The following ADIPOQ variants were observed in gnomAD, a reference collection of about 807,000 sequenced individuals.
ADIPOQ encodes the protein adiponectin, C1Q and collagen domain containing.
A neutral mutation model predicts 16.1 loss-of-function variants in ADIPOQ; 19 were observed. The ratio of observed to expected loss-of-function variants is 1.18; its 90% CI spans 0.82 to 1.73. ADIPOQ has a LOEUF of 1.73. ADIPOQ is among the 40% of genes most tolerant of loss of function. The pLI, the probability that ADIPOQ is intolerant of heterozygous loss-of-function variation, is 0.00. For missense variants in ADIPOQ, 323 were observed against 308.3 expected, an observed-to-expected ratio of 1.05 and a Z score of -0.36; for synonymous variants, 124 against 125.5, an observed-to-expected ratio of 0.99 and a Z score of 0.08.
intron 1 of ADIPOQ, among the ~76,000 whole-genome samples, chr3:186,848,709 G>A (rs16861210): frequency 0.1 from 15,801 of 152,188 alleles, 1,050 homozygotes; most frequent in African/African-American, 0.17. Flanking sequence ...CTTGGAGAGC[G>A]CAAGATGCTA....
chr3:186,844,137 A>C (rs1157449775), intron 1 of ADIPOQ, among the ~76,000 whole-genome samples: 1 of 152,170 alleles, frequency 6.6e-6, no homozygotes, highest in Non-Finnish European at 1.5e-5. Context: ...AGTGGTACAC[A>C]GGGAGCCCGG....
At chr3:186,847,860 A>AT (rs1389239520) in intron 1 of ADIPOQ, among the ~76,000 whole-genome samples, 1 of 152,054 alleles carries the variant, frequency 6.6e-6, no homozygotes, top group Non-Finnish European at 1.5e-5. Flanking sequence ...CTTAGTAATA[A>AT]TTTTTTTCTG....
intron 1 of ADIPOQ, 24 bp from the exon 2 acceptor site, chr3:186,853,027 T>C (rs17366653): frequency 0.01 from 16,518 of 1,613,402 alleles, 120 homozygotes; most frequent in Middle Eastern, 0.015. Flanking sequence ...TCTCCATGGC[T>C]GACAGTGCAC....
intron 2 of ADIPOQ, chr3:186,853,859 G>A (rs976368759): frequency 1.0e-5 from 3 of 290,216 alleles, no homozygotes; most frequent in Non-Finnish European, 1.9e-5. Context: ...GCAGAATAGA[G>A]GAGGAGAGAC....
At chr3:186,844,356 A>G (rs1397595066) in intron 1 of ADIPOQ, among the ~76,000 whole-genome samples, 1 of 152,112 alleles carries the variant, frequency 6.6e-6, no homozygotes, top group African/African-American at 2.4e-5. Flanking sequence ...CATATTGGCC[A>G]GGATGGTCTC....
In ADIPOQ at chr3:186,851,522, G is replaced by T. The variant is rs954241763; in HGVS notation, c.-8-1529G>T. ...TATCAAAGAATGATTTTGAGACAGG[G>T]AGGCTTTTGACTACCTGTGCCACTT... is the stretch of plus-strand genomic sequence containing the variant. On this transcript the variant is annotated intron_variant, in intron 1 of 2. Transcript: ENST00000320741. 9.2e-5 allele frequency among the ~76,000 whole-genome samples: 14 copies of T among 152,246 alleles called. No individual in the cohort carries two copies. The East Asian group carries it at 2.7e-3, about 29-fold the overall frequency.
rs150306620 is a variant in ADIPOQ, at chr3:186,851,130, C to A, written c.-8-1921C>A. Among the ~76,000 whole-genome samples the A allele has an allele frequency of 9.0e-3, 1,372 of 152,176 alleles. 16 individuals are homozygous for A. The highest frequency in any genetic ancestry group is 0.031 in the African/African-American group (1,273 of 41,540). On this transcript the variant is annotated intron_variant, in intron 1 of 2. Coordinates refer to ENST00000320741, the MANE Select transcript of ADIPOQ (RefSeq NM_004797.4). ...GAGGAGTAGGTTTGTCTTCAACAAA[C>A]CTTCAGTTGTCCTGAAGACAAACCT...
intron 1 of ADIPOQ, among the ~76,000 whole-genome samples, chr3:186,847,546 G>A (rs1711610319): frequency 6.6e-6 from 1 of 152,126 alleles, no homozygotes; most frequent in Admixed American, 6.6e-5. Context: ...TGCTCTAACT[G>A]TACAGCTGAT....
rs201844166 is a variant in ADIPOQ, at chr3:186,857,700, C to T, written c.*2996C>T. ...TTTGAAGTACAATTGTGGATTTGTC[C>T]AATTCTCTTTAGTTCTGTCAGCTTT... On this transcript the variant is annotated 3_prime_UTR_variant, in exon 3 of 3. Transcript: ENST00000320741. The T allele has an allele frequency of 2.0e-5, 3 of 152,036 alleles. No individual in the cohort carries two copies. The highest frequency in any genetic ancestry group is 4.4e-5 in the Non-Finnish European group (3 of 68,012). The allele number at this position is 152,036 out of a possible 1,614,324, so 9.4% of individuals were successfully genotyped here.
At chr3:186,850,301 A>G (rs1482923960) in intron 1 of ADIPOQ, among the ~76,000 whole-genome samples, 1 of 150,788 alleles carries the variant, frequency 6.6e-6, no homozygotes, top group East Asian at 1.9e-4. Context: ...AGCAAACTAG[A>G]GCAGTGAGGT....
At chr3:186,843,995 C>A (rs185517567) in intron 1 of ADIPOQ, among the ~76,000 whole-genome samples, 1 of 152,138 alleles carries the variant, frequency 6.6e-6, no homozygotes, top group Non-Finnish European at 1.5e-5. Context: ...GGGGTGGCAC[C>A]AACTCACTCC....
At position 186,856,189 on chromosome 3, in the gene ADIPOQ, G is replaced by A. The variant is rs1711995201; in HGVS notation, c.*1485G>A. The A allele has an allele frequency of 1.3e-5, 2 of 152,132 alleles. No individual in the cohort carries two copies. The highest frequency in any genetic ancestry group is 4.8e-5 in the African/African-American group (2 of 41,432). 9.4% of individuals were successfully genotyped at this position (152,132 alleles called of 1,614,324 possible). A position where few individuals can be genotyped will look rare whatever the true frequency, so the allele number is the denominator to read the frequency against. The stretch of plus-strand genomic sequence containing the variant: ...AGTACCAACAGGGTCAGGGAAGACT[G>A]GGCCTCCTGAATTTATTATTGTTCT... On this transcript the variant is annotated 3_prime_UTR_variant, in exon 3 of 3. Transcript: ENST00000320741.
chr3:186,848,388 G>A lies in ADIPOQ; in HGVS notation c.-8-4663G>A, dbSNP rs112864360. On this transcript the variant is annotated intron_variant, in intron 1 of 2. Transcript: ENST00000320741. ...AAATAGGTATTTTTATATGTTTGTC[G>A]TTTTATATATATGACCCCCACTTTA... Among the ~76,000 whole-genome samples the A allele has an allele frequency of 1.1e-3, 170 of 152,090 alleles. 2 individuals are homozygous for A. Among genetic ancestry groups the A allele is most frequent in the African/African-American group, 4.0e-3 (168 of 41,524 alleles).
At chr3:186,849,013 G>A (rs115867072) in intron 1 of ADIPOQ, among the ~76,000 whole-genome samples, 1,937 of 152,254 alleles carry the variant, frequency 0.013, 55 homozygotes, top group African/African-American at 0.044. Flanking sequence ...TATTAGTGGA[G>A]AAATCTGTCC....
chr3:186,843,552 C>T (rs1579201698), intron 1 of ADIPOQ, among the ~76,000 whole-genome samples: 1 of 150,792 alleles, frequency 6.6e-6, no homozygotes, highest in Non-Finnish European at 1.5e-5. Context: ...CCCAGCTTCT[C>T]GGGAGGCTGA....
Position 186,856,176 on chromosome 3 carries a change from G to A in ADIPOQ, c.*1472G>A, listed in dbSNP as rs1244716060. 6.6e-6 allele frequency: 1 copy of A among 152,170 alleles called. No individual in the cohort carries two copies. The highest frequency in any genetic ancestry group is 1.5e-5 in the Non-Finnish European group (1 of 68,028). The allele number at this position is 152,170 out of a possible 1,614,324, so 9.4% of individuals were successfully genotyped here. ...CATTGTCTCCTTGAGTACCAACAGG[G>A]TCAGGGAAGACTGGGCCTCCTGAAT... On this transcript the variant is annotated 3_prime_UTR_variant, in exon 3 of 3. Coordinates refer to ENST00000320741, the MANE Select transcript of ADIPOQ (RefSeq NM_004797.4).
Position 186,856,869 on chromosome 3 carries a change from T to A in ADIPOQ, c.*2165T>A, listed in dbSNP as rs1311860846. On this transcript the variant is annotated 3_prime_UTR_variant, in exon 3 of 3. Coordinates refer to ENST00000320741, the MANE Select transcript of ADIPOQ (RefSeq NM_004797.4). ...GTAAGCAAGAAAAATAAAGGAAAAA[T>A]GGAAACATTTATTCCTTTGCATAAT... The A allele has an allele frequency of 6.6e-6, 1 of 152,022 alleles. No individual in the cohort carries two copies. Among genetic ancestry groups the A allele is most frequent in the Non-Finnish European group, 1.5e-5 (1 of 68,008 alleles). The allele number at this position is 152,022 out of a possible 1,614,324, so 9.4% of individuals were successfully genotyped here. A position where few individuals can be genotyped will look rare whatever the true frequency, so the allele number is the denominator to read the frequency against.
chr3:186,850,307 G>A (rs1245278014), intron 1 of ADIPOQ, among the ~76,000 whole-genome samples: 2 of 149,434 alleles, frequency 1.3e-5, no homozygotes, highest in African/African-American at 2.5e-5. Flanking sequence ...CTAGAGCAGT[G>A]AGGTACCATT....
chr3:186,853,989 A>G, intron 2 of ADIPOQ, 195 bp from the exon 3 acceptor site: 1 of 597,802 alleles, frequency 1.7e-6, no homozygotes, highest in East Asian at 2.8e-5. Context: ...AGTTGAAATT[A>G]TGGGAGCCTC....
Sources: gnomAD v4.1 joint callset for allele counts (sites outside exome capture counted in the v4.1 genomes callset) on GRCh38, gnomAD v4.1.1 for gene constraint, MANE v1.5 for transcripts, NCBI Gene and HGNC (gene_info 2026-07-23, HGNC 2026-07-21) for gene names.